Variants in SLCO3A1 observed in about 807,000 individuals in gnomAD.
SLCO3A1 encodes the protein solute carrier organic anion transporter family member 3A1, also known as PGE1 transporter.
In SLCO3A1, 27 loss-of-function variants were observed where a neutral mutation model predicts 63.1. The observed-to-expected ratio is 0.43, with a 90% CI of 0.32 to 0.59. The LOEUF (loss-of-function observed/expected upper bound fraction) is 0.59. Among genes scored for constraint, SLCO3A1 ranks in the 20% least tolerant of loss-of-function variants. SLCO3A1 has a pLI of 0.09. For synonymous variants in SLCO3A1, 473 were observed against 409.9 expected (o/e 1.15, Z -1.86); for missense variants, 773 against 945.8 (o/e 0.82, Z 2.40).
At chr15:92,154,412 C>G (rs2048346028) in intron 9 of SLCO3A1, among the ~76,000 whole-genome samples, 1 of 152,196 alleles carries the variant, frequency 6.6e-6, no homozygotes, top group South Asian at 2.1e-4. Flanking sequence ...CTGTCTGTAC[C>G]ACAGGTGCTG....
intron 2 of SLCO3A1, among the ~76,000 whole-genome samples, chr15:92,085,356 C>T (rs1049559749): frequency 6.6e-6 from 1 of 152,252 alleles, no homozygotes; most frequent in Non-Finnish European, 1.5e-5. Flanking sequence ...TCAACCCTGT[C>T]TATTTGCACG....
rs541777780 is a variant in SLCO3A1, at chr15:92,009,564, C to T, written c.647-85317C>T. 3.9e-5 allele frequency among the ~76,000 whole-genome samples: 6 copies of T among 152,258 alleles called. No individual in the cohort carries two copies. The South Asian group carries it at 6.2e-4, about 16-fold the overall frequency. The stretch of plus-strand genomic sequence containing the variant: ...GACAGCAGGCTTTGACACCATGGTG[C>T]CATTTGGATTTGGCTCTACCACTAT... On this transcript the variant is annotated intron_variant, in intron 2 of 9. Coordinates refer to ENST00000318445, the MANE Select transcript of SLCO3A1 (RefSeq NM_013272.4).
At chr15:92,141,400 A>G (rs972351280) in intron 7 of SLCO3A1, among the ~76,000 whole-genome samples, 1 of 152,216 alleles carries the variant, frequency 6.6e-6, no homozygotes, top group Non-Finnish European at 1.5e-5. Context: ...AGACCATGGG[A>G]GTCTACAGGT....
At chr15:92,171,648 G>T (rs2048521969) in intron 10 of SLCO3A1, 6 of 675,778 alleles carry the variant, frequency 8.9e-6, no homozygotes, top group Middle Eastern at 2.4e-4. Context: ...GCACTTTATT[G>T]CTTTGACTGC....
intron 2 of SLCO3A1, among the ~76,000 whole-genome samples, chr15:91,935,646 T>G (rs953487201): frequency 6.6e-6 from 1 of 152,184 alleles, no homozygotes; most frequent in Non-Finnish European, 1.5e-5. Context: ...GGTGGTAGAC[T>G]CTGGAGTGGT....
intron 7 of SLCO3A1, among the ~76,000 whole-genome samples, chr15:92,145,728 A>G (rs758136): frequency 0.39 from 59,302 of 152,076 alleles, 12,032 homozygotes; most frequent in African/African-American, 0.5. Context: ...GGGAATTACA[A>G]TAAATGCCCC....
chr15:92,170,046 T>C (rs966014012), downstream of SLCO3A1, among the ~76,000 whole-genome samples: 2 of 152,208 alleles, frequency 1.3e-5, no homozygotes, highest in African/African-American at 4.8e-5. Context: ...ATGAACAACA[T>C]AGTAAGTTTT....
Position 91,900,219 on chromosome 15 carries a change from A to C in SLCO3A1, c.181-15774A>C, listed in dbSNP as rs1314628526. Among the ~76,000 whole-genome samples, 1 of 152,236 alleles carries C rather than the reference A, an allele frequency of 6.6e-6. No individual in the cohort carries two copies. The highest frequency in any genetic ancestry group is 1.5e-5 in the Non-Finnish European group (1 of 68,040). ...GCTTAACTTTTTAAGAAGCTGTTCA[A>C]CTGCTTTTCAAAGTGGCTATAACCA... On this transcript the variant is annotated intron_variant, in intron 1 of 9. Coordinates refer to ENST00000318445, the MANE Select transcript of SLCO3A1 (RefSeq NM_013272.4). This position sits in a 1 kb window ranked among gnomAD's most constrained non-coding sequence, Gnocchi z 4.3.
intron 2 of SLCO3A1, among the ~76,000 whole-genome samples, chr15:92,056,120 A>G (rs1002869317): frequency 2.0e-4 from 31 of 152,176 alleles, no homozygotes; most frequent in African/African-American, 7.2e-4. Flanking sequence ...ATCTAGTAAC[A>G]CCTGGGGCTT....
chr15:92,078,859 C>T (rs1413512110), intron 2 of SLCO3A1, among the ~76,000 whole-genome samples: 2 of 152,202 alleles, frequency 1.3e-5, no homozygotes, highest in Non-Finnish European at 2.9e-5. Context: ...CACCGTCATC[C>T]TCACTAGCAA....
intron 2 of SLCO3A1, among the ~76,000 whole-genome samples, chr15:92,025,075 A>AATGGC (rs776751013): frequency 6.6e-6 from 1 of 151,730 alleles, no homozygotes; most frequent in Non-Finnish European, 1.5e-5. Flanking sequence ...CCATCCTCTT[A>AATGGC]ATGGCATGTC....
Position 91,854,391 on chromosome 15 carries a change from C to CCAA in SLCO3A1, c.180+303_180+304insCAA. 9.5e-7 allele frequency: 1 copy of CCAA among 1,053,942 alleles called. No homozygotes were observed. The highest frequency in any genetic ancestry group is 1.1e-6 in the Non-Finnish European group (1 of 871,858). 65.3% of individuals were successfully genotyped at this position (1,053,942 alleles called of 1,614,324 possible). On this transcript the variant is annotated intron_variant, in intron 1 of 9. Transcript: ENST00000318445. The surrounding 1 kb of genome is among the most constrained non-coding windows in gnomAD (Gnocchi z 6.4). Reference sequence around the variant, plus strand: ...GGGCGTGAAACTATTCCTCTCCCCCCATAAGAGCGGAGCGAGACGGTGAGT... The same window carrying CCAA: ...GGGCGTGAAACTATTCCTCTCCCCCCCAAATAAGAGCGGAGCGAGACGGTGAGT...
intron 2 of SLCO3A1, among the ~76,000 whole-genome samples, chr15:92,076,880 T>A (rs1166491463): frequency 6.6e-6 from 1 of 152,190 alleles, no homozygotes; most frequent in Admixed American, 6.5e-5. Context: ...TGTATGAGAT[T>A]GGGGAGTGTA....
intron 4 of SLCO3A1, among the ~76,000 whole-genome samples, chr15:92,115,471 G>A (rs528484541): frequency 2.6e-4 from 39 of 152,266 alleles, no homozygotes; most frequent in African/African-American, 8.2e-4. Context: ...TGACTTGACC[G>A]TGGATCACTT....
At chr15:92,140,482 T>C (rs569685979) in intron 7 of SLCO3A1, among the ~76,000 whole-genome samples, 3,874 of 151,878 alleles carry the variant, frequency 0.026, 171 homozygotes, top group African/African-American at 0.088. Context: ...GTTCTGTAGA[T>C]GTCTATTAGG....
chr15:91,981,089 G>A (rs1158675998), intron 2 of SLCO3A1, among the ~76,000 whole-genome samples: 1 of 152,206 alleles, frequency 6.6e-6, no homozygotes, highest in African/African-American at 2.4e-5. Context: ...CCCCCTTAGG[G>A]AGAGTGTGCC....
chr15:92,156,960 T>C (rs947324055), intron 9 of SLCO3A1, among the ~76,000 whole-genome samples: 1 of 152,192 alleles, frequency 6.6e-6, no homozygotes, highest in African/African-American at 2.4e-5. Flanking sequence ...GTAAATTAAA[T>C]AGCCAATATA....
intron 1 of SLCO3A1, among the ~76,000 whole-genome samples, chr15:91,896,839 A>T (rs1012721900): frequency 1.3e-5 from 2 of 152,230 alleles, no homozygotes; most frequent in East Asian, 1.9e-4. Context: ...CTTATGTAAG[A>T]TGTTTATCAT....
chr15:92,162,704 G>A, intron 9 of SLCO3A1, 52 bp from the exon 10 acceptor site: 1 of 1,561,768 alleles, frequency 6.4e-7, no homozygotes, highest in Non-Finnish European at 8.7e-7. Flanking sequence ...ACAGGAACAG[G>A]GGAGCACTGG....
Sources: allele counts gnomAD v4.1 joint callset (sites outside exome capture counted in the v4.1 genomes callset), GRCh38; gene constraint gnomAD v4.1.1; non-coding constraint Gnocchi (gnomAD v3.1); transcripts MANE v1.5; gene names NCBI Gene and HGNC (gene_info 2026-07-23, HGNC 2026-07-21).